ROCK2: variants seen among roughly 807,000 people sequenced by gnomAD.
ROCK2 encodes the protein rho-associated protein kinase 2.
In ROCK2, 61 loss-of-function variants were observed where a neutral mutation model predicts 195.1. The observed-to-expected ratio is 0.31, with a 90% confidence interval of 0.25 to 0.39. The LOEUF (loss-of-function observed/expected upper bound fraction) is 0.39. Among genes scored for constraint, ROCK2 ranks in the 10% least tolerant of loss-of-function variants. The pLI is 1.00. For synonymous variants in ROCK2, 504 were observed against 545.5 expected (o/e 0.92, Z 1.06); for missense variants, 1,109 against 1,637.4 (o/e 0.68, Z 5.57).
chr2:11,259,622 C>T lies in ROCK2; in HGVS notation c.325-9824G>A, dbSNP rs562921442. Among the ~76,000 whole-genome samples, 33 of 147,760 alleles carry T rather than the reference C, an allele frequency of 2.2e-4. No homozygotes were observed. The South Asian group carries it at 2.4e-3, about 11-fold the overall frequency. ...GGTCTAAATAAGTTTATGTAGCTAA[C>T]GGTGTTTATATATTTTTAAATTGTG... On this transcript the variant is annotated intron_variant, in intron 3 of 32. Coordinates refer to ENST00000315872, the MANE Select transcript of ROCK2 (RefSeq NM_004850.5).
At position 11,192,586 on chromosome 2, in the gene ROCK2, T is replaced by C. The variant is rs747795771; in HGVS notation, c.3814A>G (p.Thr1272Ala). 2.5e-6 allele frequency: 4 copies of C among 1,614,114 alleles called. No individual in the cohort carries two copies. Among genetic ancestry groups the C allele is most frequent in the Non-Finnish European group, 3.4e-6 (4 of 1,180,002 alleles). Residue 1272 changes from threonine (T) to alanine (A), a missense_variant, in exon 31 of 33, where the codon ACC becomes GCC. By Grantham distance (58) the Thr-to-Ala change is moderately conservative. This residue lies in a region of ROCK2 where 221 missense variants were observed against 355.1 expected (regional missense o/e 0.62). Transcript: ENST00000315872. The surrounding 1 kb of genome is among the most constrained non-coding windows in gnomAD (Gnocchi z 5.0). ...EFIPTLYHFPTNCEACMKPLW... is the reference protein window; with the variant it reads ...EFIPTLYHFPANCEACMKPLW... ...GGCTTCATACAAGCCTCACAGTTGGTTGGGAAATGATAAAGAGTAGGAATA... is the reference window on the plus strand; with the variant it reads ...GGCTTCATACAAGCCTCACAGTTGGCTGGGAAATGATAAAGAGTAGGAATA...
chr2:11,276,512 AAGAAGAC>A (rs1314318747), intron 3 of ROCK2, among the ~76,000 whole-genome samples: 1 of 152,218 alleles, frequency 6.6e-6, no homozygotes, highest in Non-Finnish European at 1.5e-5. Context: ...AAAGGAATTA[AAGAAGAC>A]ATAAGTAAAT....
chr2:11,321,577 G>A (rs1341249726), intron 1 of ROCK2, among the ~76,000 whole-genome samples: 2 of 151,754 alleles, frequency 1.3e-5, no homozygotes, highest in Non-Finnish European at 2.9e-5. Flanking sequence ...TAAAGACAGT[G>A]GAGCAATGTT....
At chr2:11,233,086 C>T (rs72787608) in intron 5 of ROCK2, among the ~76,000 whole-genome samples, 7,048 of 152,060 alleles carry the variant, frequency 0.046, 307 homozygotes, top group Non-Finnish European at 0.067. Context: ...TGGTGGTGTA[C>T]GCCTGTTGTC....
At chr2:11,345,416 C>T (rs1015593076), upstream of ROCK2, among the ~76,000 whole-genome samples, 39 of 152,300 alleles carry the variant, frequency 2.6e-4, no homozygotes, top group Middle Eastern at 6.8e-3. Flanking sequence ...CCGGTGCCAT[C>T]GCTTAGATCC....
chr2:11,304,129 A>G (rs749614860), intron 1 of ROCK2, among the ~76,000 whole-genome samples: 2 of 152,198 alleles, frequency 1.3e-5, no homozygotes, highest in East Asian at 3.9e-4. Context: ...GCGTCTTTAA[A>G]TATGTGCTGA....
intron 3 of ROCK2, among the ~76,000 whole-genome samples, chr2:11,269,955 T>C (rs1666568293): frequency 6.6e-6 from 1 of 152,166 alleles, no homozygotes; most frequent in Admixed American, 6.5e-5. Context: ...GGTCTCACTA[T>C]GTTGCCCAGG....
intron 9 of ROCK2, 97 bp downstream of exon 9, chr2:11,221,101 T>C: frequency 1.2e-6 from 1 of 867,602 alleles, no homozygotes; most frequent in Non-Finnish European, 1.7e-6. Flanking sequence ...AAAAACAAAT[T>C]AATACTTTAT....
chr2:11,327,722 T>C (rs1201357330), intron 1 of ROCK2, among the ~76,000 whole-genome samples: 3 of 152,178 alleles, frequency 2.0e-5, no homozygotes, highest in Admixed American at 6.5e-5. Flanking sequence ...ACCACCACAC[T>C]TGGCTAATTT....
intron 1 of ROCK2, chr2:11,307,915 T>C (rs1485000432): frequency 3.0e-6 from 4 of 1,333,784 alleles, no homozygotes; most frequent in Non-Finnish European, 3.9e-6. Flanking sequence ...GTGGTGGCCG[T>C]AGCGGTCCTC....
chr2:11,323,590 G>A (rs190705933), intron 1 of ROCK2, among the ~76,000 whole-genome samples: 164 of 152,186 alleles, frequency 1.1e-3, no homozygotes, highest in African/African-American at 3.8e-3. Flanking sequence ...ACCCAGAAGA[G>A]GTCATAATTT....
chr2:11,240,834 A>G (rs1304655002), intron 4 of ROCK2, among the ~76,000 whole-genome samples: 1 of 152,238 alleles, frequency 6.6e-6, no homozygotes, highest in Non-Finnish European at 1.5e-5. Flanking sequence ...TACCTCAATA[A>G]AGTTGTATAG....
rs959208170 is a variant in ROCK2, at chr2:11,246,199, C to A, written c.462+3462G>T. Among the ~76,000 whole-genome samples the A allele has an allele frequency of 2.0e-5, 3 of 152,198 alleles. No individual in the cohort carries two copies. In the South Asian group the frequency reaches 6.2e-4, roughly 32 times the overall value. On this transcript the variant is annotated intron_variant, in intron 4 of 32. Coordinates refer to ENST00000315872, the MANE Select transcript of ROCK2 (RefSeq NM_004850.5). ...TATACCGTCCCCTTCCAAAGTGGAA[C>A]CTGAATCTGATCAAGCCTCTATATC...
chr2:11,281,060 G>A (rs1477169139), intron 3 of ROCK2, among the ~76,000 whole-genome samples: 1 of 151,766 alleles, frequency 6.6e-6, no homozygotes, highest in East Asian at 1.9e-4. Context: ...ACAACCAAGT[G>A]GGATTTATTA....
intron 5 of ROCK2, among the ~76,000 whole-genome samples, chr2:11,229,297 T>C (rs570002937): frequency 6.6e-6 from 1 of 152,228 alleles, no homozygotes; most frequent in South Asian, 2.1e-4. Flanking sequence ...TTAAAAATAC[T>C]TAAAAAGTGT....
Position 11,197,364 on chromosome 2 carries a change from T to C in ROCK2, c.3280-16A>G. The C allele has an allele frequency of 6.2e-7, 1 of 1,606,104 alleles. No homozygotes were observed. The highest frequency in any genetic ancestry group is 8.5e-7 in the Non-Finnish European group (1 of 1,175,776). On this transcript the variant is annotated splice_polypyrimidine_tract_variant and intron_variant, in intron 26 of 32. Coordinates refer to ENST00000315872, the MANE Select transcript of ROCK2 (RefSeq NM_004850.5). The surrounding 1 kb of genome is among the most constrained non-coding windows in gnomAD (Gnocchi z 4.9). ...CAGCTATTTGCTATAAGAAATTTAA[T>C]TACAATAAGTTAATTGGATGCAACA...
chr2:11,221,138 ACAT>A, intron 9 of ROCK2, 57 bp downstream of exon 9: 1 of 1,279,852 alleles, frequency 7.8e-7, no homozygotes, highest in Non-Finnish European at 1.1e-6. Context: ...TCAAAATAAC[ACAT>A]CATCTTATAG....
intron 3 of ROCK2, among the ~76,000 whole-genome samples, chr2:11,268,314 G>A (rs1215145064): frequency 6.6e-6 from 1 of 152,200 alleles, no homozygotes; most frequent in South Asian, 2.1e-4. Context: ...CACCTTTACA[G>A]ATTTTATATC....
intron 5 of ROCK2, among the ~76,000 whole-genome samples, chr2:11,230,046 T>C (rs147350732): frequency 1.3e-5 from 2 of 152,292 alleles, no homozygotes; most frequent in East Asian, 3.9e-4. Context: ...CAGAATTAAA[T>C]ATAAACATGT....
Sources: allele counts gnomAD v4.1 joint callset (sites outside exome capture counted in the v4.1 genomes callset), GRCh38; gene constraint gnomAD v4.1.1; regional missense constraint gnomAD v4.1.1; non-coding constraint Gnocchi (gnomAD v3.1); transcripts MANE v1.5; gene names NCBI Gene and HGNC (gene_info 2026-07-23, HGNC 2026-07-21).